The following COL5A2 variants were observed in gnomAD, a reference collection of about 807,000 sequenced individuals.
COL5A2 encodes collagen alpha-2(V) chain.
In COL5A2, 23 loss-of-function variants were observed where a neutral mutation model predicts 208.2. That is an observed-to-expected ratio of 0.11 (90% CI 0.08 to 0.16). The LOEUF is 0.16. COL5A2 is among the 10% of genes least tolerant of loss of function. The probability of loss-of-function intolerance (pLI) is 1.00; values close to 1 mark genes in which losing one functional copy is unlikely to be tolerated. For missense variants in COL5A2, 1,590 were observed against 1,956.4 expected (o/e 0.81, Z 3.53); for synonymous variants, 625 against 628.5 (o/e 0.99, Z 0.08).
At chr2:189,433,179 G>A in the COL5A2 span, among the ~76,000 whole-genome samples, 1 of 152,188 alleles carries the variant, frequency 6.6e-6, no homozygotes, top group Admixed American at 6.5e-5. Context: ...CACATTTAAA[G>A]CAATGTGTAG....
At chr2:189,111,073 C>T (rs1369873003) in intron 1 of COL5A2, among the ~76,000 whole-genome samples, 1 of 152,066 alleles carries the variant, frequency 6.6e-6, no homozygotes, top group African/African-American at 2.4e-5. Context: ...GGCAGAAATG[C>T]AAAACTTATG....
chr2:189,165,421 T>C (rs1688444922), intron 1 of COL5A2, among the ~76,000 whole-genome samples: 1 of 152,212 alleles, frequency 6.6e-6, no homozygotes, highest in South Asian at 2.1e-4. Flanking sequence ...CCCAGGTGCC[T>C]AGGATTCACT....
chr2:189,425,353 T>C, the COL5A2 span, among the ~76,000 whole-genome samples: 1 of 152,184 alleles, frequency 6.6e-6, no homozygotes, highest in Non-Finnish European at 1.5e-5. Context: ...CTACTGGGTA[T>C]ATAGCCAAAG....
chr2:189,293,212 A>G, the COL5A2 span, among the ~76,000 whole-genome samples: 1 of 152,042 alleles, frequency 6.6e-6, no homozygotes, highest in South Asian at 2.1e-4. Flanking sequence ...TATGTAACTA[A>G]CCTGCACATT....
At chr2:189,182,989 G>A (rs1256709432), upstream of COL5A2, among the ~76,000 whole-genome samples, 1 of 152,036 alleles carries the variant, frequency 6.6e-6, no homozygotes, top group East Asian at 1.9e-4. Flanking sequence ...CTGTAAAGCT[G>A]CTCCTCACTA....
intron 1 of COL5A2, among the ~76,000 whole-genome samples, chr2:189,152,639 A>T (rs1688167928): frequency 1.3e-5 from 2 of 152,212 alleles, no homozygotes; most frequent in East Asian, 3.9e-4. Context: ...TATGAATTAG[A>T]TTTTTAGGTT....
rs147283629 is a variant in COL5A2, at chr2:189,176,488, C to T, written c.97+3020G>A. Among the ~76,000 whole-genome samples, 311 of 152,248 alleles carry T rather than the reference C, an allele frequency of 2.0e-3. 1 individual carries two copies. Among genetic ancestry groups the T allele is most frequent in the African/African-American group, 7.2e-3 (300 of 41,540 alleles). ...GATACATTTCTGCACCTTCCCTTCT[C>T]CATTGCTTATCCCATGTTGAATACA... On this transcript the variant is annotated intron_variant, in intron 1 of 53. Transcript: ENST00000374866.
At chr2:189,366,914 GTCTT>G in the COL5A2 span, among the ~76,000 whole-genome samples, 1 of 152,066 alleles carries the variant, frequency 6.6e-6, no homozygotes, top group Admixed American at 6.5e-5. Flanking sequence ...CCACTCTCTG[GTCTT>G]TCTTTCATCC....
the COL5A2 span, among the ~76,000 whole-genome samples, chr2:189,335,201 A>G: frequency 7.8e-4 from 119 of 152,242 alleles, no homozygotes; most frequent in Admixed American, 1.4e-3. Context: ...AACAGAAGCC[A>G]TTAAAGAACA....
rs1686971584 is a variant in COL5A2 at position 189,098,709 on chromosome 2, T to C, written c.402+18A>G. 9 of 1,598,320 alleles carry C rather than the reference T, an allele frequency of 5.6e-6. No individual in the cohort carries two copies. The highest frequency in any genetic ancestry group is 7.7e-6 in the Non-Finnish European group (9 of 1,165,794). On this transcript the variant is annotated intron_variant, in intron 5 of 53. Transcript: ENST00000374866. ...AAGGAATACAAGAGTACCAAGAATATTGGGAGAAACTACTTACTGCCGGTC... is the reference window on the plus strand; with the variant it reads ...AAGGAATACAAGAGTACCAAGAATACTGGGAGAAACTACTTACTGCCGGTC...
chr2:189,346,132 T>C, the COL5A2 span, among the ~76,000 whole-genome samples: 1 of 152,216 alleles, frequency 6.6e-6, no homozygotes, highest in Non-Finnish European at 1.5e-5. Flanking sequence ...ATGCTTGCAA[T>C]GGATACATCT....
chr2:189,219,382 A>G (rs1359785544), intron 1 of COL5A2, among the ~76,000 whole-genome samples: 1 of 152,140 alleles, frequency 6.6e-6, no homozygotes, highest in Non-Finnish European at 1.5e-5. Context: ...CAAACTTATT[A>G]TTTATTTTTT....
intron 1 of COL5A2, among the ~76,000 whole-genome samples, chr2:189,220,316 T>A (rs1377667249): frequency 6.6e-6 from 1 of 152,210 alleles, no homozygotes; most frequent in Non-Finnish European, 1.5e-5. Context: ...TTCTTCATTA[T>A]GTGTGTAAAG....
chr2:189,426,846 C>T, the COL5A2 span, among the ~76,000 whole-genome samples: 1 of 152,208 alleles, frequency 6.6e-6, no homozygotes. Flanking sequence ...CTACCTCTAA[C>T]AACCTATGCT....
At chr2:189,180,791 G>A (rs189578170), upstream of COL5A2, among the ~76,000 whole-genome samples, 21 of 152,264 alleles carry the variant, frequency 1.4e-4, no homozygotes, top group East Asian at 3.7e-3. Context: ...TGCATTTTAA[G>A]GAAAATTATC....
At chr2:189,054,289 A>C in intron 35 of COL5A2, 77 bp from the exon 36 acceptor site, 2 of 1,060,200 alleles carry the variant, frequency 1.9e-6, no homozygotes, top group Non-Finnish European at 2.9e-6. Context: ...TCAACAAACA[A>C]AAAAGAAACG....
At chr2:189,087,905 AG>A (rs1272525166) in intron 8 of COL5A2, among the ~76,000 whole-genome samples, 4 of 151,990 alleles carry the variant, frequency 2.6e-5, no homozygotes, top group South Asian at 2.1e-4. Context: ...CTCAAAAAAA[AG>A]TTCCCAAAAG....
At chr2:189,250,417 A>AC in the COL5A2 span, among the ~76,000 whole-genome samples, 2 of 152,230 alleles carry the variant, frequency 1.3e-5, no homozygotes, top group African/African-American at 4.8e-5. Context: ...TAGCCAAGTA[A>AC]CAAAGTTTAA....
Position 189,036,659 on chromosome 2 carries a change from T to C in COL5A2, c.4070A>G (p.Asn1357Ser), listed in dbSNP as rs1163698455. 7 of 1,613,858 alleles carry C rather than the reference T, an allele frequency of 4.3e-6. No homozygotes were observed. The highest frequency in any genetic ancestry group is 5.9e-6 in the Non-Finnish European group (7 of 1,179,756). The change falls in exon 52 of 54, where the codon AAT (asparagine) becomes AGT (serine). Residue 1357 changes from asparagine (N) to serine (S), a missense_variant. By Grantham distance (46) the Asn-to-Ser change is conservative (BLOSUM62 1). Transcript: ENST00000374866. ...KTWWASKSPDNKPVWYGLDMN... is the reference protein window; with the variant it reads ...KTWWASKSPDSKPVWYGLDMN... ...ATCAAGACCATACCAAACAGGTTTA[T>C]TGTCAGGAGATTTACTGGCCCACCA...
Sources: gnomAD v4.1 joint callset for allele counts (sites outside exome capture counted in the v4.1 genomes callset) on GRCh38, gnomAD v4.1.1 for gene constraint, MANE v1.5 for transcripts, NCBI Gene and HGNC (gene_info 2026-07-23, HGNC 2026-07-21) for gene names.